PCDHGA9: variants seen among roughly 807,000 people sequenced by gnomAD.
PCDHGA9 encodes the protein protocadherin gamma-A9.
PCDHGA9 carries 37 observed loss-of-function variants against 62.5 expected under a neutral mutation model. The observed-to-expected ratio is 0.59, with a 90% CI of 0.46 to 0.78. The LOEUF is 0.78. Ranked by LOEUF, PCDHGA9 falls within the 30% of genes least tolerant of loss-of-function variation. The pLI is 0.00. For missense variants in PCDHGA9, 1,138 were observed against 1,166.2 expected (o/e 0.98, Z 0.35); for synonymous variants, 459 against 484.6 (o/e 0.95, Z 0.69).
chr5:141,490,641 G>A lies in PCDHGA9; in HGVS notation c.2425-4166G>A. 3 of 1,614,160 alleles carry A rather than the reference G, an allele frequency of 1.9e-6. No homozygotes were observed. On this transcript the variant is annotated intron_variant, in intron 1 of 3. Transcript: ENST00000573521. This position sits in a 1 kb window ranked among gnomAD's most constrained non-coding sequence, Gnocchi z 5.4. Reference sequence around the variant, plus strand: ...ACACTGCTTACATCCTAGAAAACCGGCCTCCGGGCTCCCTTCTTTGCACTG... The same window carrying A: ...ACACTGCTTACATCCTAGAAAACCGACCTCCGGGCTCCCTTCTTTGCACTG...
intron 3 of PCDHGA9, 86 bp downstream of exon 3, chr5:141,505,567 T>C: frequency 6.3e-7 from 1 of 1,599,440 alleles, no homozygotes; most frequent in South Asian, 1.1e-5. Flanking sequence ...ACGGACTGGA[T>C]GTCAAACCTG....
At chr5:141,494,976 G>A in intron 2 of PCDHGA9, 111 bp downstream of exon 2, 1 of 1,575,636 alleles carries the variant, frequency 6.3e-7, no homozygotes. Flanking sequence ...TTCTCCCTCA[G>A]TTTGAGATCC....
At chr5:141,481,193 A>AT (rs1437708630) in intron 1 of PCDHGA9, among the ~76,000 whole-genome samples, 4 of 152,216 alleles carry the variant, frequency 2.6e-5, no homozygotes, top group African/African-American at 7.2e-5. Context: ...GCCAGGCCCA[A>AT]TTTTTTTAAA....
At chr5:141,495,071 C>A (rs1391869079) in intron 2 of PCDHGA9, among the ~76,000 whole-genome samples, 1 of 152,160 alleles carries the variant, frequency 6.6e-6, no homozygotes, top group Non-Finnish European at 1.5e-5. Flanking sequence ...AAGCTCAATT[C>A]ACATGCTTGC....
intron 1 of PCDHGA9, among the ~76,000 whole-genome samples, chr5:141,406,301 A>C (rs1447923303): frequency 6.6e-6 from 1 of 151,966 alleles, no homozygotes; most frequent in Non-Finnish European, 1.5e-5. Context: ...TGAGGTGTGA[A>C]CCACCTCACC....
rs1021096537 is a variant in PCDHGA9, at chr5:141,511,383, T to C, written c.*210T>C. 2 of 1,155,330 alleles carry C rather than the reference T, an allele frequency of 1.7e-6. No homozygotes were observed. Among genetic ancestry groups the C allele is most frequent in the Non-Finnish European group, 2.4e-6 (2 of 841,000 alleles). The allele number at this position is 1,155,330 out of a possible 1,614,324, so 71.6% of individuals were successfully genotyped here. ...GTTGAATATGCAAAAGCAGTTCCGC[T>C]GGGAACCCCCATCCAATCAACTGCT... is the stretch of plus-strand genomic sequence containing the variant. On this transcript the variant is annotated 3_prime_UTR_variant, in exon 4 of 4. Transcript: ENST00000573521.
chr5:141,460,936 A>G (rs189741735), intron 1 of PCDHGA9, among the ~76,000 whole-genome samples: 31 of 149,318 alleles, frequency 2.1e-4, no homozygotes, highest in Non-Finnish European at 3.8e-4. Flanking sequence ...GTGTGTGTGT[A>G]TATATATGTA....
chr5:141,428,194 T>C (rs2097123409), intron 1 of PCDHGA9: 1 of 1,414,108 alleles, frequency 7.1e-7, no homozygotes, highest in Admixed American at 1.8e-5. Flanking sequence ...CGCCGCTCTC[T>C]GCGCCGCTAC....
At chr5:141,457,448 A>G (rs1296079061) in intron 1 of PCDHGA9, among the ~76,000 whole-genome samples, 2 of 152,196 alleles carry the variant, frequency 1.3e-5, no homozygotes, top group Non-Finnish European at 2.9e-5. Flanking sequence ...GCAGAAGATC[A>G]CCACTTGATT....
chr5:141,408,918 C>T, intron 1 of PCDHGA9: 1 of 1,613,408 alleles, frequency 6.2e-7, no homozygotes. Flanking sequence ...AATGATAACC[C>T]CCCGGTTTTC....
chr5:141,410,115 C>T, intron 1 of PCDHGA9: 1 of 1,612,624 alleles, frequency 6.2e-7, no homozygotes. Context: ...AGGGACGCAG[C>T]CCGCCAGCGC....
At chr5:141,492,242 C>G (rs2099738685) in intron 1 of PCDHGA9, among the ~76,000 whole-genome samples, 1 of 152,190 alleles carries the variant, frequency 6.6e-6, no homozygotes, top group Admixed American at 6.5e-5. Flanking sequence ...GCTGGCCACC[C>G]CCACGGCCCA....
chr5:141,442,051 C>G (rs1384937090), intron 1 of PCDHGA9: 1 of 197,158 alleles, frequency 5.1e-6, no homozygotes, highest in East Asian at 1.8e-4. Context: ...CTACTGGTCG[C>G]GGTGCACTGC....
At chr5:141,428,188 G>C (rs1023078587) in intron 1 of PCDHGA9, 1 of 1,433,232 alleles carries the variant, frequency 7.0e-7, no homozygotes, top group African/African-American at 1.4e-5. Flanking sequence ...GACAGCCGCC[G>C]CTCTCTGCGC....
intron 1 of PCDHGA9, among the ~76,000 whole-genome samples, chr5:141,474,669 C>T (rs983136753): frequency 6.6e-6 from 1 of 152,198 alleles, no homozygotes; most frequent in Non-Finnish European, 1.5e-5. Flanking sequence ...CCTACCTAAC[C>T]TATGTGCCTA....
At chr5:141,423,026 G>A in intron 1 of PCDHGA9, 2 of 1,614,210 alleles carry the variant, frequency 1.2e-6, no homozygotes, top group African/African-American at 1.3e-5. Flanking sequence ...AAAGATTCAG[G>A]CCAGAACGCC....
At position 141,425,713 on chromosome 5, in the gene PCDHGA9, C is replaced by T. The variant is rs191037499; in HGVS notation, c.2424+20337C>T. 3.9e-4 allele frequency among the ~76,000 whole-genome samples: 60 copies of T among 152,312 alleles called. No homozygotes were observed. In the East Asian group the frequency reaches 6.7e-3, roughly 17 times the overall value. On this transcript the variant is annotated intron_variant, in intron 1 of 3. Transcript: ENST00000573521. ...CATTTCATAGTGGTCAAAATTTTCC[C>T]ATACCACTTGATGGGGATGTTTTCC...
intron 1 of PCDHGA9, chr5:141,413,845 C>G: frequency 6.2e-7 from 1 of 1,613,242 alleles, no homozygotes. Flanking sequence ...CGGGGGTGAC[C>G]CTCTCCGATC....
chr5:141,444,305 A>G (rs62379165), intron 1 of PCDHGA9, among the ~76,000 whole-genome samples: 13,327 of 151,310 alleles, frequency 0.088, 765 homozygotes, highest in African/African-American at 0.16. Context: ...CCTAGTAGCT[A>G]GGATTACAGG....
Sources: allele counts gnomAD v4.1 joint callset (sites outside exome capture counted in the v4.1 genomes callset), GRCh38; gene constraint gnomAD v4.1.1; non-coding constraint Gnocchi (gnomAD v3.1); transcripts MANE v1.5; gene names NCBI Gene and HGNC (gene_info 2026-07-23, HGNC 2026-07-21).